Variants in MYH2 observed in about 807,000 individuals in gnomAD.
The protein encoded by MYH2 is myosin-2.
In MYH2, 139 loss-of-function variants were observed where a neutral mutation model predicts 228.1. The ratio of observed to expected loss-of-function variants is 0.61; its 90% CI spans 0.53 to 0.70. The LOEUF is 0.70. Among genes scored for constraint, MYH2 ranks in the 30% least tolerant of loss-of-function variants. The pLI is 0.00. For missense variants in MYH2, 1,809 were observed against 2,357.5 expected (o/e 0.77, Z 4.82); for synonymous variants, 796 against 871.1 (o/e 0.91, Z 1.52).
intron 14 of MYH2, 57 bp downstream of exon 14, chr17:10,539,148 A>G (rs2073519530): frequency 1.9e-6 from 3 of 1,612,868 alleles, no homozygotes; most frequent in South Asian, 2.2e-5. Flanking sequence ...ATTCCTTCAT[A>G]TAGATATTTC....
chr17:10,545,591 G>C (rs1185064894), intron 4 of MYH2, 89 bp from the exon 5 acceptor site: 1 of 1,530,496 alleles, frequency 6.5e-7, no homozygotes, highest in Non-Finnish European at 8.9e-7. Context: ...TTGAGACAGG[G>C]TCTTGCTCTG....
Position 10,537,260 on chromosome 17 carries a change from A to G in MYH2, c.1870T>C (p.Phe624Leu). 6.2e-7 allele frequency: 1 copy of G among 1,614,250 alleles called. No homozygotes were observed. The highest frequency in any genetic ancestry group is 8.5e-7 in the Non-Finnish European group (1 of 1,180,028). The change falls in exon 16 of 40, where the codon TTC becomes CTC. Residue 624 changes from phenylalanine to leucine, a missense_variant. Physicochemically the swap from Phe to Leu is conservative, Grantham distance 22. Transcript: ENST00000245503. This position sits in a 1 kb window ranked among gnomAD's most constrained non-coding sequence, Gnocchi z 4.0. ...CCTTCAGCAGTTTGAGCCCCAGAGA[A>G]GAGCTGAGCTAGAGTTTTCATTGCA... ...KSAMKTLAQL[F>L]SGAQTAEGEG...
chr17:10,538,733 C>T (rs1192208151), intron 14 of MYH2, among the ~76,000 whole-genome samples: 1 of 151,480 alleles, frequency 6.6e-6, no homozygotes, highest in African/African-American at 2.4e-5. Context: ...CTTCTATATC[C>T]TCTGCAATGC....
chr17:10,535,079 T>C lies in MYH2; in HGVS notation c.2174A>G (p.Lys725Arg). 1 of 1,614,134 alleles carries C rather than the reference T, an allele frequency of 6.2e-7. No homozygotes were observed. Among genetic ancestry groups the C allele is most frequent in the Non-Finnish European group, 8.5e-7 (1 of 1,179,968 alleles). The change falls in exon 19 of 40, where the codon AAA (lysine) becomes AGA (arginine). Residue 725 changes from lysine to arginine, a missense_variant. By Grantham distance (26) the Lys-to-Arg change is conservative (BLOSUM62 2). Coordinates refer to ENST00000245503, the MANE Select transcript of MYH2 (RefSeq NM_017534.6). ...FPSRILYADF[K>R]QRYKVLNASA... The stretch of plus-strand genomic sequence containing the variant: ...ATAATCAGGAGAAACTGACCTCTGT[T>C]TGAAGTCTGCATAAAGGATTCTGCT...
At chr17:10,543,642 A>C in intron 8 of MYH2, 69 bp downstream of exon 8, 13 of 1,544,992 alleles carry the variant, frequency 8.4e-6, no homozygotes, top group African/African-American at 1.4e-5. Context: ...GATTCAGAGA[A>C]TGTAATTACA....
Position 10,524,725 on chromosome 17 carries a change from T to A in MYH2, c.4971+32A>T. The A allele has an allele frequency of 6.2e-7, 1 of 1,614,232 alleles. No individual in the cohort carries two copies. Among genetic ancestry groups the A allele is most frequent in the Non-Finnish European group, 8.5e-7 (1 of 1,180,030 alleles). On this transcript the variant is annotated intron_variant, in intron 34 of 39. Coordinates refer to ENST00000245503, the MANE Select transcript of MYH2 (RefSeq NM_017534.6). This position sits in a 1 kb window ranked among gnomAD's most constrained non-coding sequence, Gnocchi z 4.7. The stretch of plus-strand genomic sequence containing the variant: ...GTTCTCAGGGTTGCAGGCACCCCAA[T>A]AGTCCTGGGACCATCTCTTGGACAT...
At chr17:10,544,504 G>C (rs1400121192) in intron 5 of MYH2, among the ~76,000 whole-genome samples, 2 of 152,160 alleles carry the variant, frequency 1.3e-5, no homozygotes, top group African/African-American at 2.4e-5. Context: ...AGTAGACTTG[G>C]CTCTTTGGTT....
chr17:10,540,641 T>C lies in MYH2; in HGVS notation c.961A>G (p.Ile321Val). Residue 321 changes from isoleucine (I) to valine (V), a missense_variant, in exon 11 of 40, where the codon ATC becomes GTC. Coordinates refer to ENST00000245503, the MANE Select transcript of MYH2 (RefSeq NM_017534.6). The part of the protein sequence containing the change: ...YDYPFVSQGE[I>V]SVASIDDQEE... ...TGATCATCGATGCTGGCCACACTGA[T>C]CTCCCCTTGACTGACAAATGGGTAA... The C allele has an allele frequency of 1.2e-6, 2 of 1,613,916 alleles. No individual in the cohort carries two copies. Among genetic ancestry groups the C allele is most frequent in the Non-Finnish European group, 1.7e-6 (2 of 1,179,798 alleles).
rs761822856 is a variant in MYH2 at position 10,539,921 on chromosome 17, T to C, written c.1147+7A>G. The C allele has an allele frequency of 8.1e-6, 13 of 1,613,968 alleles. No homozygotes were observed. Among genetic ancestry groups the C allele is most frequent in the Admixed American group, 1.7e-5 (1 of 59,990 alleles). On this transcript the variant is annotated splice_region_variant and intron_variant, in intron 12 of 39. Transcript: ENST00000245503. ...ATGCAAAATCATGGGAGTGACTTAG[T>C]TGATACCTTCTGTGCCATCTGGCTC...
Position 10,523,202 on chromosome 17 carries a change from AG to A in MYH2, c.5578-18del. ...TTCTTCCGTCTGAAAGATTATAAAA[AG>A]TCCAGGACCTTAATTACTAAAGCAC... On this transcript the variant is annotated intron_variant, in intron 38 of 39. Coordinates refer to ENST00000245503, the MANE Select transcript of MYH2 (RefSeq NM_017534.6). The A allele has an allele frequency of 6.2e-7, 1 of 1,610,382 alleles. No individual in the cohort carries two copies. Among genetic ancestry groups the A allele is most frequent in the Non-Finnish European group, 8.5e-7 (1 of 1,176,582 alleles).
rs1239695690 is a variant in MYH2, at chr17:10,524,417, C to G, written c.5175+49G>C. 8.1e-6 allele frequency: 13 copies of G among 1,611,784 alleles called. No individual in the cohort carries two copies. Among genetic ancestry groups the G allele is most frequent in the Non-Finnish European group, 1.1e-5 (13 of 1,177,920 alleles). On this transcript the variant is annotated intron_variant, in intron 35 of 39. Transcript: ENST00000245503. This position sits in a 1 kb window ranked among gnomAD's most constrained non-coding sequence, Gnocchi z 4.7. Reference sequence around the variant, plus strand: ...TTATGAAAACTCAGGCTTATCTATTCTGGGACATATAAAATTTACTAAGGA... The same window carrying G: ...TTATGAAAACTCAGGCTTATCTATTGTGGGACATATAAAATTTACTAAGGA...
chr17:10,535,413 A>G (rs774109368), intron 17 of MYH2, 48 bp from the exon 18 acceptor site: 6 of 1,456,856 alleles, frequency 4.1e-6, no homozygotes, highest in Middle Eastern at 1.7e-4. Context: ...AGACATGGAT[A>G]TGAGCAGTCA....
Position 10,525,971 on chromosome 17 carries a change from T to C in MYH2, c.4188-95A>G. ...CTGAAGAGTGTTAGAAACTTCACATTAATGCTGCCCAGCCACCTTTCATTC... is the reference window on the plus strand; with the variant it reads ...CTGAAGAGTGTTAGAAACTTCACATCAATGCTGCCCAGCCACCTTTCATTC... On this transcript the variant is annotated intron_variant, in intron 30 of 39. Transcript: ENST00000245503. This position sits in a 1 kb window ranked among gnomAD's most constrained non-coding sequence, Gnocchi z 4.2. The C allele has an allele frequency of 7.4e-7, 1 of 1,347,116 alleles. No homozygotes were observed. The allele number at this position is 1,347,116 out of a possible 1,614,324, so 83.4% of individuals were successfully genotyped here.
chr17:10,525,164 C>T lies in MYH2; in HGVS notation c.4662+60G>A. 6.2e-6 allele frequency: 10 copies of T among 1,613,794 alleles called. No homozygotes were observed. The highest frequency in any genetic ancestry group is 8.5e-6 in the Non-Finnish European group (10 of 1,179,864). ...TGTGCTATGTGTCTTTTTATTCACT[C>T]TATGCAGATGTACCTAATTATTTTC... On this transcript the variant is annotated intron_variant, in intron 33 of 39. Coordinates refer to ENST00000245503, the MANE Select transcript of MYH2 (RefSeq NM_017534.6). The surrounding 1 kb of genome is among the most constrained non-coding windows in gnomAD (Gnocchi z 4.2).
At position 10,533,328 on chromosome 17, in the gene MYH2, C is replaced by G. The variant is rs766702700; in HGVS notation, c.2398G>C (p.Gly800Arg). The change falls in exon 21 of 40, where the codon GGG becomes CGG. Residue 800 changes from glycine to arginine, a missense_variant. Gly to Arg is a moderately radical substitution (Grantham distance 125, BLOSUM62 -2). Around this residue, in one of 9 missense-constraint regions of MYH2, gnomAD observed 276 missense variants for 344.2 expected, o/e 0.80. Transcript: ENST00000245503. ...TGGTACTCCACTCTTGCCAAGAACC[C>G]TCTGCACCTGGCCTGGGTTCGGGTA... ...LITRTQARCR[G>R]FLARVEYQRM... The G allele has an allele frequency of 1.1e-5, 18 of 1,614,220 alleles. No homozygotes were observed. Among genetic ancestry groups the G allele is most frequent in the Non-Finnish European group, 1.5e-5 (18 of 1,180,030 alleles).
intron 2 of MYH2, among the ~76,000 whole-genome samples, chr17:10,548,906 G>A (rs987193010): frequency 6.6e-6 from 1 of 152,162 alleles, no homozygotes; most frequent in Admixed American, 6.5e-5. Context: ...TGGGAGGGCA[G>A]ATTAATACCT....
chr17:10,521,472 A>G, intron 39 of MYH2, 40 bp from the exon 40 acceptor site: 2 of 1,603,836 alleles, frequency 1.2e-6, no homozygotes, highest in Non-Finnish European at 1.7e-6. Context: ...TCATACTTGC[A>G]TCTTTCTAGA....
chr17:10,548,359 G>T (rs2073661214), intron 2 of MYH2, among the ~76,000 whole-genome samples: 1 of 152,130 alleles, frequency 6.6e-6, no homozygotes, highest in Non-Finnish European at 1.5e-5. Flanking sequence ...TGAAAAAGAG[G>T]TTTAAATGAT....
intron 2 of MYH2, among the ~76,000 whole-genome samples, chr17:10,548,948 C>T (rs1360254412): frequency 1.3e-5 from 2 of 152,096 alleles, no homozygotes; most frequent in Non-Finnish European, 2.9e-5. Context: ...CCACAGCACT[C>T]GGCATTGTGT....
Sources: gnomAD v4.1 joint callset for allele counts (sites outside exome capture counted in the v4.1 genomes callset) on GRCh38, gnomAD v4.1.1 for gene constraint, gnomAD v4.1.1 regional missense constraint, Gnocchi (gnomAD v3.1) non-coding constraint, MANE v1.5 for transcripts, NCBI Gene and HGNC (gene_info 2026-07-23, HGNC 2026-07-21) for gene names.